GATAD1: variants seen among roughly 807,000 people sequenced by gnomAD.
GATAD1 encodes GATA zinc finger domain containing 1, also known as GATA zinc finger domain-containing protein 1.
GATAD1 carries 12 observed loss-of-function variants against 26.5 expected under a neutral mutation model. The ratio of observed to expected loss-of-function variants is 0.45; its 90% CI spans 0.29 to 0.73. The LOEUF is 0.73. GATAD1 is among the 30% of genes least tolerant of loss of function. The pLI, the probability that GATAD1 is intolerant of heterozygous loss-of-function variation, is 0.10. For synonymous variants in GATAD1, 129 were observed against 133.1 expected, an observed-to-expected ratio of 0.97 and a Z score of 0.21; for missense variants, 266 against 342.1, an observed-to-expected ratio of 0.78 and a Z score of 1.75.
Position 92,454,597 on chromosome 7 carries a change from G to C in GATAD1, c.531G>C (p.Gln177His). The C allele has an allele frequency of 6.2e-7, 1 of 1,613,424 alleles. No homozygotes were observed. The highest frequency in any genetic ancestry group is 1.7e-5 in the Admixed American group (1 of 60,016). The change falls in exon 4 of 5, where the codon CAG (glutamine) becomes CAC (histidine). Residue 177 changes from glutamine to histidine, a missense_variant. Coordinates refer to ENST00000287957, the MANE Select transcript of GATAD1 (RefSeq NM_021167.5). ...YAQIRGFIQD[Q>H]YCEKSAALTW... ...AAATCAGAGGTTTTATCCAGGACCA[G>C]TATTGCGAGAAGAGTGCAGCACTGA...
chr7:92,493,689 A>T, the GATAD1 span: 1 of 153,972 alleles, frequency 6.5e-6, no homozygotes, highest in East Asian at 1.9e-4. Flanking sequence ...ATAATTTCTT[A>T]TTCACACAGT....
chr7:92,482,249 G>GA, the GATAD1 span, among the ~76,000 whole-genome samples: 2 of 152,158 alleles, frequency 1.3e-5, no homozygotes, highest in African/African-American at 2.4e-5. Context: ...GGGTGCAGGG[G>GA]AATAGTGAAA....
the GATAD1 span, among the ~76,000 whole-genome samples, chr7:92,494,864 A>C: frequency 2.6e-5 from 4 of 151,696 alleles, no homozygotes; most frequent in African/African-American, 7.2e-5. Context: ...AAACCCTTAA[A>C]GAAGGCAAGG....
chr7:92,448,094 C>G (rs1585163023), intron 1 of GATAD1, 116 bp downstream of exon 1: 1 of 710,486 alleles, frequency 1.4e-6, no homozygotes, highest in Admixed American at 4.7e-5. Context: ...CTCCTGCTGG[C>G]TGGAACGCCC....
chr7:92,487,500 C>CTT, the GATAD1 span: 1 of 1,595,638 alleles, frequency 6.3e-7, no homozygotes, highest in South Asian at 1.1e-5. Context: ...CATTGTTCCA[C>CTT]TTTGATTTTT....
chr7:92,492,738 G>T, the GATAD1 span, among the ~76,000 whole-genome samples: 1 of 152,018 alleles, frequency 6.6e-6, no homozygotes. Flanking sequence ...CAATATTAAG[G>T]TAATGTTAAA....
chr7:92,451,698 A>C (rs1789438290), intron 3 of GATAD1, among the ~76,000 whole-genome samples: 3 of 152,280 alleles, frequency 2.0e-5, no homozygotes, highest in Non-Finnish European at 1.5e-5. Flanking sequence ...TTTTTCCAAC[A>C]TTTAATACAT....
the GATAD1 span, chr7:92,489,807 T>C: frequency 1.5e-5 from 24 of 1,613,960 alleles, no homozygotes; most frequent in Non-Finnish European, 1.6e-5. Flanking sequence ...AACCCTCTTG[T>C]GAAGCTGTCC....
At chr7:92,470,023 A>G in the GATAD1 span, 1 of 777,980 alleles carries the variant, frequency 1.3e-6, no homozygotes, top group South Asian at 1.3e-5. Flanking sequence ...CTGATCTTGA[A>G]CTCCACCCCC....
At chr7:92,494,821 A>C in the GATAD1 span, among the ~76,000 whole-genome samples, 3 of 151,268 alleles carry the variant, frequency 2.0e-5, no homozygotes, top group East Asian at 5.8e-4. Flanking sequence ...ATGTATTTAT[A>C]TATATTTATG....
In GATAD1 at chr7:92,448,427, A is replaced by G. The variant is rs750215190; in HGVS notation, c.250-325A>G. On this transcript the variant is annotated intron_variant, in intron 1 of 4. Coordinates refer to ENST00000287957, the MANE Select transcript of GATAD1 (RefSeq NM_021167.5). The stretch of plus-strand genomic sequence containing the variant: ...GTAAAGTTGTTAAGTGTTTTTCTCT[A>G]TTGTAGACACAACAAATGAATAGTG... Among the ~76,000 whole-genome samples, 9 of 152,116 alleles carry G rather than the reference A, an allele frequency of 5.9e-5. No homozygotes were observed. In the South Asian group the frequency reaches 6.2e-4, roughly 11 times the overall value.
the GATAD1 span, among the ~76,000 whole-genome samples, chr7:92,466,104 A>G: frequency 0.025 from 3,862 of 152,338 alleles, 56 homozygotes; most frequent in Middle Eastern, 0.075. Flanking sequence ...TTTATTACAA[A>G]AAGACTGTTA....
chr7:92,459,226 A>C lies in GATAD1; in HGVS notation c.*2664A>C, dbSNP rs1363144819. ...GGGTGACGGCATGACTCCATCTCCA[A>C]AAAAAAAAAAAAAAGATTTTGGAGT... On this transcript the variant is annotated 3_prime_UTR_variant, in exon 5 of 5. Coordinates refer to ENST00000287957, the MANE Select transcript of GATAD1 (RefSeq NM_021167.5). 1 of 139,234 alleles carries C rather than the reference A, an allele frequency of 7.2e-6. No individual in the cohort carries two copies. The highest frequency in any genetic ancestry group is 1.5e-5 in the Non-Finnish European group (1 of 66,300). 8.6% of individuals were successfully genotyped at this position (139,234 alleles called of 1,614,324 possible).
the GATAD1 span, among the ~76,000 whole-genome samples, chr7:92,486,714 T>C: frequency 5.9e-5 from 9 of 152,180 alleles, no homozygotes; most frequent in East Asian, 1.7e-3. Context: ...CCAGGCTTAC[T>C]TGTATATTTT....
the GATAD1 span, among the ~76,000 whole-genome samples, chr7:92,490,937 T>A: frequency 4.6e-5 from 7 of 152,336 alleles, no homozygotes; most frequent in East Asian, 9.6e-4. Context: ...TTATTCATTA[T>A]CCTCAACTGT....
At chr7:92,484,022 G>C in the GATAD1 span, among the ~76,000 whole-genome samples, 2 of 152,110 alleles carry the variant, frequency 1.3e-5, no homozygotes, top group African/African-American at 4.8e-5. Flanking sequence ...AGACTAGGGA[G>C]GGACCAATGT....
chr7:92,472,219 C>T, the GATAD1 span: 1 of 152,232 alleles, frequency 6.6e-6, no homozygotes, highest in South Asian at 2.1e-4. Flanking sequence ...AGCACTGGCC[C>T]TTCAAGTAAT....
downstream of GATAD1, chr7:92,463,037 GCA>G (rs1789978898): frequency 1.3e-5 from 2 of 152,230 alleles, no homozygotes; most frequent in South Asian, 4.1e-4. Flanking sequence ...GTGAGGTCGT[GCA>G]GTGGGATATT....
the GATAD1 span, chr7:92,492,919 T>C: frequency 1.3e-6 from 2 of 1,551,498 alleles, no homozygotes; most frequent in Non-Finnish European, 1.8e-6. Flanking sequence ...TTATCACTCA[T>C]AAAATGTCAT....
Sources: allele counts gnomAD v4.1 joint callset (sites outside exome capture counted in the v4.1 genomes callset), GRCh38; gene constraint gnomAD v4.1.1; transcripts MANE v1.5; gene names NCBI Gene and HGNC (gene_info 2026-07-23, HGNC 2026-07-21).